Variants in MYBPHL observed in about 807,000 individuals in gnomAD.
MYBPHL encodes myosin-binding protein H-like.
Under a neutral mutation model 39.5 loss-of-function variants are expected in MYBPHL, and 32 were observed. The ratio of observed to expected loss-of-function variants is 0.81; its 90% CI spans 0.61 to 1.09. The LOEUF is 1.09. MYBPHL is among the 50% of genes least tolerant of loss of function. The pLI is 0.00. For missense variants in MYBPHL, 456 were observed against 460.2 expected, an observed-to-expected ratio of 0.99 and a Z score of 0.08; for synonymous variants, 196 against 183.7, an observed-to-expected ratio of 1.07 and a Z score of -0.54.
intron 1 of MYBPHL, among the ~76,000 whole-genome samples, chr1:109,300,860 T>G (rs1658251988): frequency 6.6e-6 from 1 of 152,146 alleles, no homozygotes; most frequent in Admixed American, 6.5e-5. Context: ...CCTGACAAGA[T>G]GACGAAACTT....
chr1:109,299,140 A>G (rs1343682141), intron 1 of MYBPHL, among the ~76,000 whole-genome samples: 3 of 152,286 alleles, frequency 2.0e-5, no homozygotes, highest in Non-Finnish European at 1.5e-5. Context: ...GCTGAGACAG[A>G]CACCATTTTC....
chr1:109,292,683 T>A (rs1403723765), intron 8 of MYBPHL, 95 bp from the exon 9 acceptor site: 1 of 152,244 alleles, frequency 6.6e-6, no homozygotes, highest in Non-Finnish European at 1.5e-5. Context: ...GCAAGCCGAC[T>A]GTCGGAGAGC....
chr1:109,301,230 G>A (rs1405212629), intron 1 of MYBPHL, among the ~76,000 whole-genome samples: 1 of 152,198 alleles, frequency 6.6e-6, no homozygotes, highest in Non-Finnish European at 1.5e-5. Flanking sequence ...TTAGATGACA[G>A]GAGGGATGTG....
intron 6 of MYBPHL, 53 bp from the exon 7 acceptor site, chr1:109,295,350 T>A: frequency 6.6e-7 from 1 of 1,525,590 alleles, no homozygotes; most frequent in African/African-American, 1.4e-5. Context: ...TAAGAACCAA[T>A]AGTCTTTCTG....
chr1:109,303,857 T>C (rs72975279), intron 1 of MYBPHL, among the ~76,000 whole-genome samples: 3,082 of 152,302 alleles, frequency 0.02, 109 homozygotes, highest in African/African-American at 0.07. Flanking sequence ...TCTCCCTCCC[T>C]GTGCTACAGC....
intron 1 of MYBPHL, among the ~76,000 whole-genome samples, chr1:109,300,706 C>G (rs1359332467): frequency 6.6e-6 from 1 of 152,172 alleles, no homozygotes; most frequent in Middle Eastern, 3.2e-3. Flanking sequence ...CAGACTGGCC[C>G]TTGGATCTAG....
chr1:109,297,761 C>G (rs758273404), intron 2 of MYBPHL, 144 bp from the exon 3 acceptor site: 24 of 689,992 alleles, frequency 3.5e-5, no homozygotes, highest in Non-Finnish European at 5.5e-5. Flanking sequence ...GGTGGACCCT[C>G]CCGGGGGCCT....
At chr1:109,304,803 C>G (rs1226138384) in intron 1 of MYBPHL, among the ~76,000 whole-genome samples, 1 of 152,242 alleles carries the variant, frequency 6.6e-6, no homozygotes, top group Admixed American at 6.5e-5. Context: ...TGGCCACCTA[C>G]TCCTGCTTAT....
chr1:109,305,301 G>C (rs2101492824), intron 1 of MYBPHL, among the ~76,000 whole-genome samples: 1 of 152,344 alleles, frequency 6.6e-6, no homozygotes, highest in South Asian at 2.1e-4. Context: ...GTAGTTAACA[G>C]ATGCACATAT....
At chr1:109,294,607 T>C (rs1237602510) in intron 7 of MYBPHL, among the ~76,000 whole-genome samples, 1 of 152,094 alleles carries the variant, frequency 6.6e-6, no homozygotes, top group Non-Finnish European at 1.5e-5. Context: ...CTGAACAAGG[T>C]GACAGGTATA....
intron 1 of MYBPHL, among the ~76,000 whole-genome samples, chr1:109,301,103 G>A (rs1658260491): frequency 6.6e-6 from 1 of 152,206 alleles, no homozygotes. Flanking sequence ...CTAAGAATGT[G>A]AACGCCGGGG....
Position 109,297,103 on chromosome 1 carries a change from C to T in MYBPHL, c.517G>A (p.Gly173Arg). 1 of 1,614,186 alleles carries T rather than the reference C, an allele frequency of 6.2e-7. No homozygotes were observed. The highest frequency in any genetic ancestry group is 8.5e-7 in the Non-Finnish European group (1 of 1,180,036). ...TLEWTPPQDT[G>R]NTALLGYTVQ... Reference sequence around the variant, plus strand: ...GTGTATCCCAGAAGTGCTGTATTCCCCGTATCTTGGGGCGGTGTCCATTCC... The same window carrying T: ...GTGTATCCCAGAAGTGCTGTATTCCTCGTATCTTGGGGCGGTGTCCATTCC... Residue 173 changes from glycine (G) to arginine (R), a missense_variant, in exon 4 of 9, where the codon GGG becomes AGG. Transcript: ENST00000357155.
chr1:109,296,723 G>A (rs1658078855), intron 5 of MYBPHL, 60 bp downstream of exon 5: 2 of 1,597,088 alleles, frequency 1.3e-6, no homozygotes, highest in African/African-American at 2.7e-5. Context: ...AGAGGCGTGA[G>A]CCACTGTGCC....
rs1658484759 is a variant in MYBPHL at position 109,306,838 on chromosome 1, A to G, written c.145+9T>C. The G allele has an allele frequency of 1.3e-6, 2 of 1,501,922 alleles. No individual in the cohort carries two copies. 93.0% of individuals were successfully genotyped at this position (1,501,922 alleles called of 1,614,324 possible). A position where few individuals can be genotyped will look rare whatever the true frequency, so the allele number is the denominator to read the frequency against. ...GGCCTCCCCACCCTCCCCACCTGCCATGGGTCACCTTCTATAGGGGGCAGG... is the reference window on the plus strand; with the variant it reads ...GGCCTCCCCACCCTCCCCACCTGCCGTGGGTCACCTTCTATAGGGGGCAGG... On this transcript the variant is annotated intron_variant, in intron 1 of 8. Transcript: ENST00000357155.
intron 5 of MYBPHL, 54 bp downstream of exon 5, chr1:109,296,726 ACTG>A: frequency 6.2e-7 from 1 of 1,603,036 alleles, no homozygotes; most frequent in Non-Finnish European, 8.5e-7. Context: ...GGCGTGAGCC[ACTG>A]TGCCCGGCCT....
chr1:109,294,115 A>G, intron 8 of MYBPHL, 91 bp downstream of exon 8: 1 of 855,656 alleles, frequency 1.2e-6, no homozygotes, highest in Admixed American at 2.0e-5. Context: ...CATGACTGAA[A>G]GGCTCAGGAA....
intron 1 of MYBPHL, among the ~76,000 whole-genome samples, chr1:109,304,092 A>G (rs1263707796): frequency 2.0e-5 from 3 of 152,204 alleles, no homozygotes; most frequent in Non-Finnish European, 2.9e-5. Context: ...CCGTCCCTGC[A>G]TTAGTTTTGG....
In MYBPHL at chr1:109,295,121, C is replaced by T. The variant is rs1658009732; in HGVS notation, c.1044G>A (p.Val348=). ...TCCTCTTGCCCTTACCTTTCACATCCACCCGACAGTCCACAGATGCCTCCC... is the reference window on the plus strand; with the variant it reads ...TCCTCTTGCCCTTACCTTTCACATCTACCCGACAGTCCACAGATGCCTCCC... ...PLGEASVDCR[V]DVKVPN is the part of the protein sequence containing the mutation. The change falls in exon 7 of 9, where the codon GTG becomes GTA. Residue 348 remains valine, a synonymous_variant. Coordinates refer to ENST00000357155, the MANE Select transcript of MYBPHL (RefSeq NM_001010985.3). The T allele has an allele frequency of 1.9e-6, 3 of 1,613,226 alleles. No homozygotes were observed. The highest frequency in any genetic ancestry group is 2.5e-6 in the Non-Finnish European group (3 of 1,179,900).
At chr1:109,305,860 T>C (rs1658448061) in intron 1 of MYBPHL, among the ~76,000 whole-genome samples, 1 of 152,220 alleles carries the variant, frequency 6.6e-6, no homozygotes, top group Admixed American at 6.5e-5. Flanking sequence ...TTTATTTACA[T>C]CTTAGTTTGG....
Sources: gnomAD v4.1 joint callset for allele counts (sites outside exome capture counted in the v4.1 genomes callset) on GRCh38, gnomAD v4.1.1 for gene constraint, MANE v1.5 for transcripts, NCBI Gene and HGNC (gene_info 2026-07-23, HGNC 2026-07-21) for gene names.